PMFBP1: variants seen among roughly 807,000 people sequenced by gnomAD.
PMFBP1 encodes the protein polyamine modulated factor 1 binding protein 1, also known as polyamine-modulated factor 1-binding protein 1.
A neutral mutation model predicts 137.8 loss-of-function variants in PMFBP1; 131 were observed. That is an observed-to-expected ratio of 0.95 (90% CI 0.82 to 1.10). PMFBP1 has a LOEUF of 1.10. PMFBP1 is among the 50% of genes least tolerant of loss of function. The pLI is 0.00. For missense variants in PMFBP1, 1,199 were observed against 1,175.4 expected (o/e 1.02, Z -0.29); for synonymous variants, 490 against 450.4 (o/e 1.09, Z -1.11).
the PMFBP1 span, among the ~76,000 whole-genome samples, chr16:72,213,869 C>T: frequency 6.6e-6 from 1 of 152,134 alleles, no homozygotes; most frequent in African/African-American, 2.4e-5. Flanking sequence ...TCCAAAGTTG[C>T]ACTGGAAAGA....
intron 19 of PMFBP1, 37 bp downstream of exon 19, chr16:72,122,877 T>C: frequency 6.3e-7 from 1 of 1,588,512 alleles, no homozygotes; most frequent in Non-Finnish European, 8.6e-7. Context: ...TCTTGTCAGC[T>C]CCCAGGAAGC....
the PMFBP1 span, among the ~76,000 whole-genome samples, chr16:72,225,729 T>TAATAA: frequency 6.9e-6 from 1 of 145,908 alleles, no homozygotes; most frequent in Non-Finnish European, 1.5e-5. Context: ...ATAATAATAA[T>TAATAA]AATAATAATA....
At chr16:72,136,912 G>C in intron 7 of PMFBP1, 93 bp from the exon 8 acceptor site, 3 of 1,543,466 alleles carry the variant, frequency 1.9e-6, no homozygotes, top group Non-Finnish European at 1.8e-6. Flanking sequence ...ACAGTAAGTA[G>C]GGACAAAGTA....
the PMFBP1 span, among the ~76,000 whole-genome samples, chr16:72,198,746 G>A: frequency 2.0e-5 from 3 of 152,144 alleles, no homozygotes; most frequent in Middle Eastern, 3.4e-3. Context: ...AGGCAAACCC[G>A]TGGATCGGTG....
chr16:72,139,202 A>AT, intron 7 of PMFBP1, 87 bp downstream of exon 7: 1 of 927,936 alleles, frequency 1.1e-6, no homozygotes, highest in South Asian at 1.6e-5. Flanking sequence ...AAATTGTCAT[A>AT]TAAAAATAAA....
At chr16:72,125,460 C>T in intron 15 of PMFBP1, 55 bp from the exon 16 acceptor site, 6 of 1,569,430 alleles carry the variant, frequency 3.8e-6, no homozygotes, top group Non-Finnish European at 5.2e-6. Flanking sequence ...ACCCTCTCTG[C>T]TGAGTCCTGA....
chr16:72,180,357 T>TTAAG (rs1199344720), upstream of PMFBP1, among the ~76,000 whole-genome samples: 1 of 152,146 alleles, frequency 6.6e-6, no homozygotes, highest in African/African-American at 2.4e-5. Flanking sequence ...TCCACTGGTG[T>TTAAG]TAAGACCTCA....
At chr16:72,215,187 G>C in the PMFBP1 span, among the ~76,000 whole-genome samples, 2 of 152,250 alleles carry the variant, frequency 1.3e-5, no homozygotes, top group Non-Finnish European at 2.9e-5. Context: ...TGAGAGACTG[G>C]AGAAGAACCA....
the PMFBP1 span, among the ~76,000 whole-genome samples, chr16:72,186,061 T>C: frequency 1.5e-4 from 23 of 152,210 alleles, no homozygotes; most frequent in East Asian, 9.7e-4. Context: ...CTAGGAGGGG[T>C]CCACCCATCA....
chr16:72,238,756 T>C, the PMFBP1 span, among the ~76,000 whole-genome samples: 1 of 152,172 alleles, frequency 6.6e-6, no homozygotes, highest in Non-Finnish European at 1.5e-5. Context: ...CCAAGCCTAT[T>C]TTCTAAAATA....
the PMFBP1 span, among the ~76,000 whole-genome samples, chr16:72,203,623 A>C: frequency 6.6e-6 from 1 of 151,944 alleles, no homozygotes; most frequent in African/African-American, 2.4e-5. Context: ...GCAAGTACGG[A>C]TGGTGGCCAC....
At chr16:72,215,789 A>G in the PMFBP1 span, among the ~76,000 whole-genome samples, 1 of 152,224 alleles carries the variant, frequency 6.6e-6, no homozygotes, top group African/African-American at 2.4e-5. Flanking sequence ...GGCTCATACA[A>G]AAGGTTGGTG....
the PMFBP1 span, among the ~76,000 whole-genome samples, chr16:72,246,741 G>A: frequency 1.2e-4 from 18 of 152,044 alleles, no homozygotes; most frequent in Admixed American, 5.9e-4. Flanking sequence ...CCTTCTTAAC[G>A]AGGAAGCTTA....
At chr16:72,125,429 G>T (rs759594280) in intron 15 of PMFBP1, 24 bp from the exon 16 acceptor site, 6 of 1,604,388 alleles carry the variant, frequency 3.7e-6, no homozygotes, top group Non-Finnish European at 4.2e-6. Context: ...CAAAGAGGAC[G>T]AATGGCTGTC....
chr16:72,179,586 T>C (rs2043269620), upstream of PMFBP1, among the ~76,000 whole-genome samples: 1 of 149,444 alleles, frequency 6.7e-6, no homozygotes, highest in African/African-American at 2.5e-5. Context: ...GATTGTGAAG[T>C]ATTTTTGTTA....
At chr16:72,170,291 G>A (rs193281531) in intron 2 of PMFBP1, among the ~76,000 whole-genome samples, 1 of 151,716 alleles carries the variant, frequency 6.6e-6, no homozygotes, top group East Asian at 1.9e-4. Context: ...GGAAAGGAGT[G>A]GACTGCCTGT....
rs935519970 is a variant in PMFBP1, at chr16:72,147,162, G to T, written c.636+3446C>A. ...CAGTAACCAAAACAGCATGGTACTG[G>T]TACCAAAACAGATATATAGACCAAT... is the stretch of plus-strand genomic sequence containing the variant. On this transcript the variant is annotated intron_variant, in intron 5 of 20. Coordinates refer to ENST00000237353, the MANE Select transcript of PMFBP1 (RefSeq NM_031293.3). 2.0e-4 allele frequency among the ~76,000 whole-genome samples: 31 copies of T among 152,262 alleles called. 2 individuals carry two copies. Among genetic ancestry groups the T allele is most frequent in the Admixed American group, 1.0e-3 (16 of 15,302 alleles).
intron 2 of PMFBP1, among the ~76,000 whole-genome samples, chr16:72,168,733 G>A (rs1178473314): frequency 6.6e-6 from 1 of 152,142 alleles, no homozygotes; most frequent in African/African-American, 2.4e-5. Flanking sequence ...GCTGGAACCT[G>A]GTCACTCTGC....
In PMFBP1 at chr16:72,128,750, G is replaced by A. The variant is rs764703707; in HGVS notation, c.1995C>T (p.Leu665=). The A allele has an allele frequency of 5.0e-6, 8 of 1,614,084 alleles. No homozygotes were observed. Among genetic ancestry groups the A allele is most frequent in the South Asian group, 3.3e-5 (3 of 91,066 alleles). Residue 665 remains leucine, a synonymous_variant, in exon 14 of 21, where the codon CTC becomes CTT. Transcript: ENST00000237353. The stretch of plus-strand genomic sequence containing the variant: ...TAGAACAACACTGTAGCTCTGCTCG[G>A]AGATTCTCATTTTCTTCCTCCAACT... ...SRKLEEENEN[L]RAELQCCSTQ... is the part of the protein sequence containing the mutation.
Sources: gnomAD v4.1 joint callset for allele counts (sites outside exome capture counted in the v4.1 genomes callset) on GRCh38, gnomAD v4.1.1 for gene constraint, MANE v1.5 for transcripts, NCBI Gene and HGNC (gene_info 2026-07-23, HGNC 2026-07-21) for gene names.